ARPP21: variants seen among roughly 807,000 people sequenced by gnomAD.
ARPP21 encodes the protein cAMP-regulated phosphoprotein 21.
Under a neutral mutation model 113.2 loss-of-function variants are expected in ARPP21, and 69 were observed. The ratio of observed to expected loss-of-function variants is 0.61; its 90% confidence interval spans 0.50 to 0.74. The LOEUF (loss-of-function observed/expected upper bound fraction) is 0.74. Among genes scored for constraint, ARPP21 ranks in the 30% least tolerant of loss-of-function variants. ARPP21 has a pLI of 0.00. For missense variants in ARPP21, 1,070 were observed against 1,037.4 expected (o/e 1.03, Z -0.43); for synonymous variants, 368 against 375.5 (o/e 0.98, Z 0.23).
At chr3:35,738,428 T>C in intron 17 of ARPP21, 110 bp downstream of exon 17, 2 of 764,874 alleles carry the variant, frequency 2.6e-6, no homozygotes, top group Non-Finnish European at 2.2e-6. Context: ...CTGGGCTGAC[T>C]GTGAGGGGGT....
intron 8 of ARPP21, 98 bp from the exon 9 acceptor site, chr3:35,690,767 A>C (rs2082018336): frequency 8.8e-7 from 1 of 1,135,034 alleles, no homozygotes; most frequent in Non-Finnish European, 1.2e-6. Flanking sequence ...TTAGTGGTTT[A>C]GATGAAGAAG....
chr3:35,782,489 C>T (rs946667096), intron 19 of ARPP21, among the ~76,000 whole-genome samples: 3 of 152,096 alleles, frequency 2.0e-5, no homozygotes, highest in Admixed American at 6.6e-5. Flanking sequence ...TCCTAATAAG[C>T]TCTCTGACCT....
chr3:35,725,040 TAG>T (rs976631661), intron 14 of ARPP21, among the ~76,000 whole-genome samples: 48 of 152,332 alleles, frequency 3.2e-4, no homozygotes, highest in African/African-American at 8.7e-4. Flanking sequence ...TCTCTCTTTT[TAG>T]AGAGAGAACT....
intron 1 of ARPP21, among the ~76,000 whole-genome samples, chr3:35,677,703 G>A (rs1335078301): frequency 6.6e-6 from 1 of 151,844 alleles, no homozygotes; most frequent in African/African-American, 2.4e-5. Context: ...GTTGAAATTT[G>A]GCCAGAATAT....
chr3:35,726,138 G>A (rs143592023), intron 14 of ARPP21, among the ~76,000 whole-genome samples: 6 of 152,320 alleles, frequency 3.9e-5, no homozygotes, highest in East Asian at 1.9e-4. Context: ...TGTCACATAT[G>A]CATACTGTAT....
intron 15 of ARPP21, among the ~76,000 whole-genome samples, chr3:35,731,519 G>T (rs1410601132): frequency 6.6e-6 from 1 of 152,110 alleles, no homozygotes; most frequent in Non-Finnish European, 1.5e-5. Context: ...ACAATGAGAT[G>T]CAGGGTGAAT....
In ARPP21 at chr3:35,727,908, T is replaced by C. The variant is rs1444811227; in HGVS notation, c.1226-1395T>C. ...ATATGTTTCTATTTTTATCCATAAA[T>C]GGTGGGACAGAAGAGATTGTTAGAT... On this transcript the variant is annotated intron_variant, in intron 14 of 20. Coordinates refer to ENST00000684406, the MANE Select transcript of ARPP21 (RefSeq NM_001385562.1). 2.6e-5 allele frequency among the ~76,000 whole-genome samples: 4 copies of C among 152,224 alleles called. No individual in the cohort carries two copies. In the South Asian group the frequency reaches 6.2e-4, roughly 24 times the overall value.
At chr3:35,771,599 G>A (rs1452140370) in intron 19 of ARPP21, among the ~76,000 whole-genome samples, 1 of 152,142 alleles carries the variant, frequency 6.6e-6, no homozygotes, top group African/African-American at 2.4e-5. Flanking sequence ...AAAGTGCTGG[G>A]ATTACAGGCA....
chr3:35,790,941 C>A (rs2096734740), intron 19 of ARPP21, among the ~76,000 whole-genome samples: 2 of 152,162 alleles, frequency 1.3e-5, no homozygotes, highest in East Asian at 1.9e-4. Flanking sequence ...GTTCCACTTG[C>A]CAATTGTAGG....
Position 35,789,200 on chromosome 3 carries a change from C to G in ARPP21, c.2138-3182C>G, listed in dbSNP as rs181807185. ...GGAACACATTTCTCATTTGAATAGACAAGATAAGCAGTTCTCACCAGTGCT... is the reference window on the plus strand; with the variant it reads ...GGAACACATTTCTCATTTGAATAGAGAAGATAAGCAGTTCTCACCAGTGCT... On this transcript the variant is annotated intron_variant, in intron 19 of 20. Coordinates refer to ENST00000684406, the MANE Select transcript of ARPP21 (RefSeq NM_001385562.1). Among the ~76,000 whole-genome samples, 33 of 152,318 alleles carry G rather than the reference C, an allele frequency of 2.2e-4. 1 individual carries two copies. The highest frequency in any genetic ancestry group is 2.1e-3 in the Admixed American group (32 of 15,304).
chr3:35,723,375 C>T lies in ARPP21; in HGVS notation c.1225+1541C>T, dbSNP rs2093279121. On this transcript the variant is annotated intron_variant, in intron 14 of 20. Coordinates refer to ENST00000684406, the MANE Select transcript of ARPP21 (RefSeq NM_001385562.1). ...AATTAATAGCATTTAGTTACAGTCACTACATAATACACACACCCTGATTCT... is the reference window on the plus strand; with the variant it reads ...AATTAATAGCATTTAGTTACAGTCATTACATAATACACACACCCTGATTCT... Among the ~76,000 whole-genome samples the T allele has an allele frequency of 3.3e-5, 5 of 152,172 alleles. No homozygotes were observed. The South Asian group carries it at 1.0e-3, about 32-fold the overall frequency.
At chr3:35,761,698 G>A (rs1052482170) in intron 19 of ARPP21, among the ~76,000 whole-genome samples, 4 of 151,984 alleles carry the variant, frequency 2.6e-5, no homozygotes, top group Non-Finnish European at 4.4e-5. Flanking sequence ...TGGAAGCTAA[G>A]ATAAGATGGA....
At chr3:35,683,238 ATTTGT>A (rs2149491492) in intron 4 of ARPP21, among the ~76,000 whole-genome samples, 1 of 151,734 alleles carries the variant, frequency 6.6e-6, no homozygotes, top group African/African-American at 2.4e-5. Context: ...ACAAATGACC[ATTTGT>A]TTTGTTTTTA....
At chr3:35,745,417 C>T (rs1217709988) in intron 19 of ARPP21, among the ~76,000 whole-genome samples, 1 of 152,116 alleles carries the variant, frequency 6.6e-6, no homozygotes, top group Admixed American at 6.5e-5. Context: ...TACTTGGTTA[C>T]TAATGCCTTT....
chr3:35,726,669 C>A (rs1483639273), intron 14 of ARPP21, among the ~76,000 whole-genome samples: 1 of 152,104 alleles, frequency 6.6e-6, no homozygotes, highest in Non-Finnish European at 1.5e-5. Context: ...AATTAAATTA[C>A]TCTTTGGATT....
intron 14 of ARPP21, among the ~76,000 whole-genome samples, chr3:35,725,684 G>T (rs1433873023): frequency 6.6e-6 from 1 of 152,080 alleles, no homozygotes; most frequent in Non-Finnish European, 1.5e-5. Flanking sequence ...TTTGACTTGT[G>T]ATCTCTTTTT....
At chr3:35,717,883 G>A (rs2092626765) in intron 13 of ARPP21, among the ~76,000 whole-genome samples, 1 of 152,076 alleles carries the variant, frequency 6.6e-6, no homozygotes, top group Non-Finnish European at 1.5e-5. Flanking sequence ...GGGATAGGAT[G>A]ATAATTTTTT....
intron 9 of ARPP21, among the ~76,000 whole-genome samples, chr3:35,697,654 A>G (rs1203525659): frequency 6.6e-6 from 1 of 151,688 alleles, no homozygotes; most frequent in African/African-American, 2.4e-5. Context: ...GTAGACCCAG[A>G]CAACAGTGTA....
intron 9 of ARPP21, among the ~76,000 whole-genome samples, chr3:35,698,328 G>A (rs545283280): frequency 6.6e-6 from 1 of 151,580 alleles, no homozygotes; most frequent in African/African-American, 2.4e-5. Flanking sequence ...ACATAAGTTT[G>A]TCGTATTCCT....
Sources: gnomAD v4.1 joint callset for allele counts (sites outside exome capture counted in the v4.1 genomes callset) on GRCh38, gnomAD v4.1.1 for gene constraint, MANE v1.5 for transcripts, NCBI Gene and HGNC (gene_info 2026-07-23, HGNC 2026-07-21) for gene names.